The following ACVR1 variants were observed in gnomAD, a reference collection of about 807,000 sequenced individuals.
ACVR1 encodes activin A receptor type 1.
A neutral mutation model predicts 57.1 loss-of-function variants in ACVR1; 38 were observed. The observed-to-expected ratio is 0.67, with a 90% confidence interval of 0.51 to 0.87. ACVR1 has a LOEUF of 0.87. Ranked by LOEUF, ACVR1 falls within the 40% of genes least tolerant of loss-of-function variation. ACVR1 has a pLI of 0.00. For missense variants in ACVR1, 463 were observed against 638.2 expected, an observed-to-expected ratio of 0.73 and a Z score of 2.96; for synonymous variants, 212 against 228.1, an observed-to-expected ratio of 0.93 and a Z score of 0.63.
intron 7 of ACVR1, among the ~76,000 whole-genome samples, chr2:157,768,009 G>C (rs924579622): frequency 3.3e-5 from 5 of 152,140 alleles, no homozygotes; most frequent in African/African-American, 9.7e-5. Flanking sequence ...TCTGATTCTA[G>C]AACCCAGACT....
chr2:157,750,362 G>C (rs1441429700), intron 9 of ACVR1, among the ~76,000 whole-genome samples: 1 of 152,230 alleles, frequency 6.6e-6, no homozygotes, highest in Non-Finnish European at 1.5e-5. Flanking sequence ...AGGAGCAGAG[G>C]ACCAGCATGC....
chr2:157,737,436 A>T lies in ACVR1; in HGVS notation c.*95T>A. The T allele has an allele frequency of 4.7e-6, 7 of 1,504,696 alleles. No individual in the cohort carries two copies. Among genetic ancestry groups the T allele is most frequent in the Non-Finnish European group, 6.4e-6 (7 of 1,100,246 alleles). The allele number at this position is 1,504,696 out of a possible 1,614,324, so 93.2% of individuals were successfully genotyped here. A position where few individuals can be genotyped will look rare whatever the true frequency, so the allele number is the denominator to read the frequency against. ...AGCAGCCATTTGGGGAGGGAGACAG[A>T]TGGATTCCATTCTGACAACCAGTCA... is the stretch of plus-strand genomic sequence containing the variant. On this transcript the variant is annotated 3_prime_UTR_variant, in exon 11 of 11. Coordinates refer to ENST00000434821, the MANE Select transcript of ACVR1 (RefSeq NM_001111067.4).
Position 157,774,514 on chromosome 2 carries a change from G to A in ACVR1, c.544-327C>T, listed in dbSNP as rs952079999. On this transcript the variant is annotated intron_variant, in intron 5 of 10. Transcript: ENST00000434821. ...CAAGTAGCTGGGGTTACAGGCACGCGCCACCACGCCCGGCTAATTTTGTAT... is the reference window on the plus strand; with the variant it reads ...CAAGTAGCTGGGGTTACAGGCACGCACCACCACGCCCGGCTAATTTTGTAT... 1.1e-4 allele frequency among the ~76,000 whole-genome samples: 17 copies of A among 152,044 alleles called. 1 individual carries two copies. The highest frequency in any genetic ancestry group is 7.9e-4 in the Admixed American group (12 of 15,264).
At chr2:157,776,505 T>A (rs1409299317) in intron 5 of ACVR1, among the ~76,000 whole-genome samples, 2 of 152,318 alleles carry the variant, frequency 1.3e-5, no homozygotes, top group South Asian at 2.1e-4. Flanking sequence ...TGAAATGAAA[T>A]GTCCTTATAC....
intron 3 of ACVR1, among the ~76,000 whole-genome samples, chr2:157,797,949 G>A (rs368228844): frequency 1.3e-5 from 2 of 152,264 alleles, no homozygotes; most frequent in African/African-American, 2.4e-5. Flanking sequence ...AGAAGGTGCC[G>A]TCTATGAGGA....
At chr2:157,806,835 A>C (rs949401696) in intron 2 of ACVR1, 2 of 152,246 alleles carry the variant, frequency 1.3e-5, no homozygotes, top group Non-Finnish European at 2.9e-5. Context: ...GCAAATTGCC[A>C]AGGCTTGGTT....
At chr2:157,750,837 A>G (rs1685161324) in intron 9 of ACVR1, among the ~76,000 whole-genome samples, 1 of 152,164 alleles carries the variant, frequency 6.6e-6, no homozygotes. Context: ...AGTTAAAAAT[A>G]CACAAATAAA....
intron 7 of ACVR1, among the ~76,000 whole-genome samples, chr2:157,766,515 G>A (rs1216324362): frequency 6.6e-6 from 1 of 152,150 alleles, no homozygotes; most frequent in Non-Finnish European, 1.5e-5. Context: ...AAGCCCTTCA[G>A]CATGTTGATA....
At chr2:157,818,878 A>T (rs1688046026) in intron 1 of ACVR1, among the ~76,000 whole-genome samples, 1 of 151,864 alleles carries the variant, frequency 6.6e-6, no homozygotes, top group Non-Finnish European at 1.5e-5. Context: ...GGAGATCGAG[A>T]CCATCCCGGC....
chr2:157,747,711 T>C (rs1265217915), intron 9 of ACVR1, among the ~76,000 whole-genome samples: 3 of 152,182 alleles, frequency 2.0e-5, no homozygotes, highest in African/African-American at 4.8e-5. Context: ...GCAAGCAGCA[T>C]TGAATACTTT....
intron 1 of ACVR1, among the ~76,000 whole-genome samples, chr2:157,867,242 C>T (rs1359591672): frequency 6.6e-6 from 1 of 152,196 alleles, no homozygotes; most frequent in Non-Finnish European, 1.5e-5. Flanking sequence ...TTCACCAAGC[C>T]CTATGGCTTC....
chr2:157,766,228 T>C (rs1158424332), intron 7 of ACVR1, 32 bp from the exon 8 acceptor site: 4 of 1,608,048 alleles, frequency 2.5e-6, no homozygotes, highest in East Asian at 2.2e-5. Context: ...TTAATATACA[T>C]GAGGATTCCA....
At chr2:157,740,018 T>C (rs749318645) in intron 9 of ACVR1, among the ~76,000 whole-genome samples, 5 of 152,070 alleles carry the variant, frequency 3.3e-5, no homozygotes, top group African/African-American at 4.8e-5. Context: ...ACCCTGTCTC[T>C]ACTAAAAATA....
chr2:157,778,061 T>C (rs571495818), intron 5 of ACVR1, 70 bp downstream of exon 5: 12 of 1,530,706 alleles, frequency 7.8e-6, no homozygotes, highest in East Asian at 2.3e-5. Flanking sequence ...TAGCGTTTCA[T>C]GCTCGAAATA....
rs374362618 is a variant in ACVR1, at chr2:157,747,243, G to C, written c.1265-8673C>G. Among the ~76,000 whole-genome samples, 176 of 152,258 alleles carry C rather than the reference G, an allele frequency of 1.2e-3. 1 individual carries two copies. The South Asian group carries it at 0.035, about 30-fold the overall frequency. ...TAGGCACATCACACCCTAGGGTATG[G>C]GGGATATTGTAAATTAGTACAGCTT... is the stretch of plus-strand genomic sequence containing the variant. On this transcript the variant is annotated intron_variant, in intron 9 of 10. Transcript: ENST00000434821.
At chr2:157,853,132 A>G (rs1194711323) in intron 1 of ACVR1, among the ~76,000 whole-genome samples, 3 of 152,222 alleles carry the variant, frequency 2.0e-5, no homozygotes. Context: ...GAATTACTAT[A>G]ATATCCTTCC....
intron 9 of ACVR1, among the ~76,000 whole-genome samples, chr2:157,741,012 A>T (rs1334948675): frequency 6.6e-6 from 1 of 152,218 alleles, no homozygotes; most frequent in Non-Finnish European, 1.5e-5. Context: ...CTGATCAAGC[A>T]ATAAATCAGT....
At chr2:157,762,658 T>A (rs1053403612) in intron 8 of ACVR1, among the ~76,000 whole-genome samples, 1 of 152,160 alleles carries the variant, frequency 6.6e-6, no homozygotes, top group Non-Finnish European at 1.5e-5. Context: ...ATCCCTTGAG[T>A]GTATGCTGGA....
chr2:157,811,318 G>C (rs1191548026), intron 2 of ACVR1, among the ~76,000 whole-genome samples: 1 of 152,102 alleles, frequency 6.6e-6, no homozygotes, highest in Non-Finnish European at 1.5e-5. Context: ...AGGCCACCAG[G>C]CTGGACCACC....
Sources: gnomAD v4.1 joint callset for allele counts (sites outside exome capture counted in the v4.1 genomes callset) on GRCh38, gnomAD v4.1.1 for gene constraint, MANE v1.5 for transcripts, NCBI Gene and HGNC (gene_info 2026-07-23, HGNC 2026-07-21) for gene names.